The following NAT10 variants were observed in gnomAD, a reference collection of about 807,000 sequenced individuals.
NAT10 encodes the protein RNA cytidine acetyltransferase.
Under a neutral mutation model 132.2 loss-of-function variants are expected in NAT10, and 109 were observed. The observed-to-expected ratio is 0.82, with a 90% CI of 0.71 to 0.97. NAT10 has a LOEUF of 0.97. Ranked by LOEUF, NAT10 falls within the 50% of genes least tolerant of loss-of-function variation. The probability of loss-of-function intolerance (pLI) is 0.00; values close to 1 mark genes in which losing one functional copy is unlikely to be tolerated. For synonymous variants in NAT10, 479 were observed against 478.0 expected (o/e 1.00, Z -0.03); for missense variants, 1,184 against 1,263.4 (o/e 0.94, Z 0.95).
Position 34,124,518 on chromosome 11 carries a change from A to T in NAT10, c.1107+118A>T, listed in dbSNP as rs756303530. 5.7e-4 allele frequency: 382 copies of T among 665,626 alleles called. 3 individuals carry two copies. Among genetic ancestry groups the T allele is most frequent in the Middle Eastern group, 4.7e-3 (18 of 3,852 alleles). 41.2% of individuals were successfully genotyped at this position (665,626 alleles called of 1,614,324 possible). A position where few individuals can be genotyped will look rare whatever the true frequency, so the allele number is the denominator to read the frequency against. ...TTGTGTAATTGCATGTCTTTTAGAC[A>T]ATGGTGGTGTTGTATGCTAAACCTG... On this transcript the variant is annotated intron_variant, in intron 11 of 28. Transcript: ENST00000257829.
At chr11:34,109,814 A>T (rs1489885361) in intron 3 of NAT10, among the ~76,000 whole-genome samples, 2 of 152,302 alleles carry the variant, frequency 1.3e-5, no homozygotes. Flanking sequence ...TATCTGCTCT[A>T]TGCAGACCAA....
rs149605086 is a variant in NAT10 at position 34,118,451 on chromosome 11, A to G, written c.728A>G (p.Gln243Arg). The change falls in exon 8 of 29, where the codon CAG becomes CGG. Residue 243 changes from glutamine to arginine, a missense_variant. By Grantham distance (43) the Gln-to-Arg change is conservative. Coordinates refer to ENST00000257829, the MANE Select transcript of NAT10 (RefSeq NM_024662.3). The part of the protein sequence containing the change: ...LELRELKESL[Q>R]DTQPVGVLVD... The stretch of plus-strand genomic sequence containing the variant: ...CTGAGGGAGTTGAAGGAGAGCTTGC[A>G]GGACACCCAGCCTGTGGGTGTGTTG... 88 of 1,614,044 alleles carry G rather than the reference A, an allele frequency of 5.5e-5. No homozygotes were observed. The highest frequency in any genetic ancestry group is 7.2e-5 in the Non-Finnish European group (85 of 1,180,016).
At chr11:34,142,019 T>C (rs74467611) in intron 26 of NAT10, 1 of 532,840 alleles carries the variant, frequency 1.9e-6, no homozygotes, top group African/African-American at 1.9e-5. Flanking sequence ...TCCCACTGAT[T>C]GTGTGTGTGT....
rs114418777 is a variant in NAT10 at position 34,145,425 on chromosome 11, G to A, written c.2970-659G>A. ...ATGGTCTCTGGACTGAACTCTTCACGGTCTCCTTATAGGGAAGTATTTGTT... is the reference window on the plus strand; with the variant it reads ...ATGGTCTCTGGACTGAACTCTTCACAGTCTCCTTATAGGGAAGTATTTGTT... On this transcript the variant is annotated intron_variant, in intron 28 of 28. Coordinates refer to ENST00000257829, the MANE Select transcript of NAT10 (RefSeq NM_024662.3). Among the ~76,000 whole-genome samples, 605 of 152,110 alleles carry A rather than the reference G, an allele frequency of 4.0e-3. 3 individuals carry two copies. Among genetic ancestry groups the A allele is most frequent in the African/African-American group, 0.013 (560 of 41,492 alleles).
intron 23 of NAT10, among the ~76,000 whole-genome samples, chr11:34,139,735 A>G (rs981640060): frequency 8.5e-5 from 13 of 152,070 alleles, no homozygotes; most frequent in African/African-American, 2.7e-4. Flanking sequence ...TAGTTCATGT[A>G]GCTGGTTGGT....
chr11:34,141,367 CAT>C (rs1238994315), intron 25 of NAT10, among the ~76,000 whole-genome samples, 159 bp downstream of exon 25: 7 of 150,562 alleles, frequency 4.6e-5, no homozygotes, highest in Non-Finnish European at 5.9e-5. Flanking sequence ...CTTCAGAACA[CAT>C]GTTAGCATTT....
rs185247610 is a variant in NAT10, at chr11:34,117,803, G to T, written c.558-377G>T. 1.9e-3 allele frequency among the ~76,000 whole-genome samples: 285 copies of T among 152,054 alleles called. 8 individuals carry two copies. The South Asian group carries it at 0.05, about 27-fold the overall frequency. On this transcript the variant is annotated intron_variant, in intron 6 of 28. Transcript: ENST00000257829. ...TTTGTATTTTTTCCCTGTGTGACTG[G>T]TGATCATATGGGGGTTGGGTTTGGA...
At position 34,146,373 on chromosome 11, in the gene NAT10, A is replaced by G. The variant is rs1852442111; in HGVS notation, c.*181A>G. On this transcript the variant is annotated 3_prime_UTR_variant, in exon 29 of 29. Transcript: ENST00000257829. ...CCTGGCTAAAGGCAGAGTCACTCCC[A>G]AATGGGTCTCTTTAGAACTTGATGG... 1 of 546,772 alleles carries G rather than the reference A, an allele frequency of 1.8e-6. No individual in the cohort carries two copies. 33.9% of individuals were successfully genotyped at this position (546,772 alleles called of 1,614,324 possible).
rs758875434 is a variant in NAT10, at chr11:34,134,503, C to T, written c.1837-9C>T. 6.2e-7 allele frequency: 1 copy of T among 1,614,132 alleles called. No homozygotes were observed. Among genetic ancestry groups the T allele is most frequent in the South Asian group, 1.1e-5 (1 of 91,082 alleles). ...GTTGCTAAGTTACTGGTTTGTGTCT[C>T]CCACACAGTTCCAAGATCCAGACTT... is the stretch of plus-strand genomic sequence containing the variant. On this transcript the variant is annotated splice_polypyrimidine_tract_variant and intron_variant, in intron 17 of 28. Transcript: ENST00000257829.
intron 15 of NAT10, 89 bp downstream of exon 15, chr11:34,132,310 C>A: frequency 1.9e-6 from 2 of 1,078,586 alleles, no homozygotes; most frequent in Non-Finnish European, 1.4e-6. Flanking sequence ...TTTTATTACC[C>A]AATGGCTTAG....
chr11:34,123,690 T>A, intron 9 of NAT10, 72 bp from the exon 10 acceptor site: 1 of 1,240,648 alleles, frequency 8.1e-7, no homozygotes, highest in Non-Finnish European at 1.2e-6. Context: ...AACAAAAATA[T>A]TTTCTTTTTT....
At chr11:34,125,804 A>T (rs559942869) in intron 11 of NAT10, among the ~76,000 whole-genome samples, 1 of 152,256 alleles carries the variant, frequency 6.6e-6, no homozygotes, top group South Asian at 2.1e-4. Flanking sequence ...CTCTACTAAA[A>T]TTTAAAAAAG....
intron 8 of NAT10, among the ~76,000 whole-genome samples, chr11:34,122,044 C>T (rs1041194055): frequency 2.6e-5 from 4 of 151,226 alleles, no homozygotes; most frequent in Non-Finnish European, 5.9e-5. Flanking sequence ...GGCGTGGTGG[C>T]AAGCGCCTGT....
At chr11:34,113,296 A>G (rs919069014) in intron 4 of NAT10, among the ~76,000 whole-genome samples, 6 of 152,222 alleles carry the variant, frequency 3.9e-5, no homozygotes, top group Non-Finnish European at 7.3e-5. Context: ...GGATTTTATC[A>G]GAGACATTTT....
intron 1 of NAT10, among the ~76,000 whole-genome samples, chr11:34,106,713 G>GT (rs1851600339): frequency 1.3e-5 from 2 of 152,160 alleles, no homozygotes; most frequent in Admixed American, 6.5e-5. Flanking sequence ...TCTGTCTGTC[G>GT]TTTTTCTGCC....
Position 34,114,183 on chromosome 11 carries a change from G to A in NAT10, c.495+345G>A, listed in dbSNP as rs72923881. 7.4e-3 allele frequency among the ~76,000 whole-genome samples: 1,134 copies of A among 152,278 alleles called. 20 individuals are homozygous for A. Among genetic ancestry groups the A allele is most frequent in the Non-Finnish European group, 0.011 (751 of 68,030 alleles). On this transcript the variant is annotated intron_variant, in intron 5 of 28. Coordinates refer to ENST00000257829, the MANE Select transcript of NAT10 (RefSeq NM_024662.3). ...CCTAAATTTGTGTATTGCAAAAAAA[G>A]GACCATGTGCAGACTGCTCACTGGC... is the stretch of plus-strand genomic sequence containing the variant.
At chr11:34,141,296 A>G in intron 25 of NAT10, 88 bp downstream of exon 25, 1 of 1,537,732 alleles carries the variant, frequency 6.5e-7, no homozygotes, top group South Asian at 1.1e-5. Flanking sequence ...ACATGTTAGC[A>G]TTTAGCTGTG....
intron 27 of NAT10, 145 bp from the exon 28 acceptor site, chr11:34,143,300 T>A: frequency 1.5e-6 from 1 of 675,226 alleles, no homozygotes; most frequent in Non-Finnish European, 2.5e-6. Flanking sequence ...CCCTCTGTCC[T>A]TTCTGCTGTT....
chr11:34,132,461 A>G (rs1852123198), intron 15 of NAT10, among the ~76,000 whole-genome samples: 1 of 151,820 alleles, frequency 6.6e-6, no homozygotes, highest in Admixed American at 6.6e-5. Flanking sequence ...TTGCCTGCCT[A>G]CTAAACTGAT....
Sources: gnomAD v4.1 joint callset for allele counts (sites outside exome capture counted in the v4.1 genomes callset) on GRCh38, gnomAD v4.1.1 for gene constraint, MANE v1.5 for transcripts, NCBI Gene and HGNC (gene_info 2026-07-23, HGNC 2026-07-21) for gene names.